The following FANCL variants were observed in gnomAD, a reference collection of about 807,000 sequenced individuals.
The protein encoded by FANCL is FA complementation group L.
In FANCL, 69 loss-of-function variants were observed where a neutral mutation model predicts 59.4. The observed-to-expected ratio is 1.16, with a 90% confidence interval of 0.96 to 1.42. The LOEUF (loss-of-function observed/expected upper bound fraction) is 1.42, where lower values mean the gene tolerates loss of function less well. Among genes scored for constraint, FANCL ranks in the 40% most tolerant of loss-of-function variants. The pLI is 0.00. For missense variants in FANCL, 519 were observed against 447.2 expected (o/e 1.16, Z -1.45); for synonymous variants, 180 against 147.1 (o/e 1.22, Z -1.62).
At chr2:58,183,736 ATC>A (rs1311372944) in intron 7 of FANCL, among the ~76,000 whole-genome samples, 2 of 151,964 alleles carry the variant, frequency 1.3e-5, no homozygotes, top group Admixed American at 1.3e-4. Context: ...AAAATAAGTG[ATC>A]TGTTACCCAT....
At chr2:58,169,701 G>C (rs1459352262) in intron 7 of FANCL, among the ~76,000 whole-genome samples, 1 of 151,804 alleles carries the variant, frequency 6.6e-6, no homozygotes, top group Non-Finnish European at 1.5e-5. Flanking sequence ...GGTTATAGAA[G>C]AACATAAATG....
chr2:58,220,930 T>C lies in FANCL; in HGVS notation c.374+1012A>G, dbSNP rs992416857. The stretch of plus-strand genomic sequence containing the variant: ...GATAACGGTTAAGAAGTGATAAGAA[T>C]TGCCGGGCGTGGTGGCTCACGCCTG... On this transcript the variant is annotated intron_variant, in intron 5 of 13. Transcript: ENST00000233741. Among the ~76,000 whole-genome samples, 2 of 152,090 alleles carry C rather than the reference T, an allele frequency of 1.3e-5. 1 individual carries two copies. Among genetic ancestry groups the C allele is most frequent in the Non-Finnish European group, 2.9e-5 (2 of 67,974 alleles).
intron 5 of FANCL, among the ~76,000 whole-genome samples, chr2:58,217,377 A>C (rs976828293): frequency 1.3e-5 from 2 of 150,640 alleles, no homozygotes; most frequent in Non-Finnish European, 1.5e-5. Flanking sequence ...CTAGGAGAGA[A>C]TCTATTCCTT....
chr2:58,201,093 C>T, intron 6 of FANCL, among the ~76,000 whole-genome samples: 2 of 149,668 alleles, frequency 1.3e-5, no homozygotes, highest in East Asian at 3.9e-4. Context: ...TTCAGAATAG[C>T]TTCTGAATTA....
intron 7 of FANCL, among the ~76,000 whole-genome samples, chr2:58,198,127 T>C (rs570165752): frequency 1.3e-5 from 2 of 151,406 alleles, no homozygotes; most frequent in East Asian, 1.9e-4. Context: ...AGAAAGAAAA[T>C]GGACATTAAC....
At chr2:58,192,219 A>G (rs576480131) in intron 7 of FANCL, among the ~76,000 whole-genome samples, 4 of 152,082 alleles carry the variant, frequency 2.6e-5, no homozygotes, top group Admixed American at 2.6e-4. Flanking sequence ...ATGTGCTCAA[A>G]ATGCACAGAT....
intron 7 of FANCL, among the ~76,000 whole-genome samples, chr2:58,189,416 C>G (rs537054891): frequency 3.3e-5 from 5 of 152,032 alleles, no homozygotes; most frequent in Non-Finnish European, 7.4e-5. Context: ...ACAATCCTCA[C>G]AGTAAGGACA....
At chr2:58,215,803 A>G (rs1691660004) in intron 5 of FANCL, among the ~76,000 whole-genome samples, 1 of 151,996 alleles carries the variant, frequency 6.6e-6, no homozygotes, top group South Asian at 2.1e-4. Context: ...GTAGGCCCAG[A>G]ACCTGGCCTA....
At chr2:58,224,361 C>T (rs1424540542) in intron 4 of FANCL, among the ~76,000 whole-genome samples, 1 of 151,802 alleles carries the variant, frequency 6.6e-6, no homozygotes, top group South Asian at 2.1e-4. Context: ...CACTTGTTCA[C>T]TTTACCTTTT....
At chr2:58,227,240 G>C (rs1270363624) in intron 3 of FANCL, among the ~76,000 whole-genome samples, 1 of 152,186 alleles carries the variant, frequency 6.6e-6, no homozygotes, top group Non-Finnish European at 1.5e-5. Context: ...CAGTGGGTGT[G>C]TGTTACAAGG....
At chr2:58,180,609 T>C (rs758546412) in intron 7 of FANCL, among the ~76,000 whole-genome samples, 1 of 152,074 alleles carries the variant, frequency 6.6e-6, no homozygotes, top group Non-Finnish European at 1.5e-5. Flanking sequence ...CTAATGTAGA[T>C]GTCGGGTTGA....
At chr2:58,174,202 C>A (rs1273005983) in intron 7 of FANCL, among the ~76,000 whole-genome samples, 3 of 152,126 alleles carry the variant, frequency 2.0e-5, no homozygotes, top group Non-Finnish European at 2.9e-5. Context: ...GAATTTAACA[C>A]CCCACTGTCA....
In FANCL at chr2:58,217,215, T is replaced by TAC. The variant is rs368257506; in HGVS notation, c.374+4725_374+4726dup. Among the ~76,000 whole-genome samples, 47 of 20,852 alleles carry TAC rather than the reference T, an allele frequency of 2.3e-3. 1 individual carries two copies. Among genetic ancestry groups the TAC allele is most frequent in the East Asian group, 3.2e-3 (2 of 626 alleles). 13.7% of individuals were successfully genotyped at this position (20,852 alleles called of 152,430 possible). ...ATATATATATATATATATATATATA[T>TAC]ACACACACACACACACACACACACA... On this transcript the variant is annotated intron_variant, in intron 5 of 13. Coordinates refer to ENST00000233741, the MANE Select transcript of FANCL (RefSeq NM_018062.4).
At chr2:58,163,695 G>A (rs994109329) in intron 8 of FANCL, among the ~76,000 whole-genome samples, 178 bp from the exon 9 acceptor site, 1 of 151,908 alleles carries the variant, frequency 6.6e-6, no homozygotes, top group Non-Finnish European at 1.5e-5. Flanking sequence ...AAGTAATTTT[G>A]ATATGATTAT....
At chr2:58,173,595 T>G (rs187735136) in intron 7 of FANCL, among the ~76,000 whole-genome samples, 2 of 152,104 alleles carry the variant, frequency 1.3e-5, no homozygotes, top group Admixed American at 6.5e-5. Context: ...CTGAGAGATT[T>G]TGTCACCACC....
intron 5 of FANCL, among the ~76,000 whole-genome samples, chr2:58,206,765 G>A (rs763218703): frequency 6.6e-6 from 1 of 152,110 alleles, no homozygotes; most frequent in South Asian, 2.1e-4. Context: ...TAAACTTTAA[G>A]ACGCAATTTA....
At chr2:58,162,636 C>T (rs1008639321) in intron 11 of FANCL, among the ~76,000 whole-genome samples, 3 of 151,910 alleles carry the variant, frequency 2.0e-5, no homozygotes, top group Admixed American at 2.0e-4. Context: ...ACTTTAATGT[C>T]TGTGGATTTT....
chr2:58,175,583 A>G (rs1687211133), intron 7 of FANCL, among the ~76,000 whole-genome samples: 1 of 152,162 alleles, frequency 6.6e-6, no homozygotes, highest in Non-Finnish European at 1.5e-5. Context: ...AAAATTCAAC[A>G]ACGCTTCATG....
At chr2:58,165,156 C>G (rs544262868) in intron 8 of FANCL, among the ~76,000 whole-genome samples, 1 of 152,028 alleles carries the variant, frequency 6.6e-6, no homozygotes, top group Admixed American at 6.6e-5. Flanking sequence ...ATTTTATAGT[C>G]GAGAACATGA....
Sources: allele counts gnomAD v4.1 joint callset (sites outside exome capture counted in the v4.1 genomes callset), GRCh38; gene constraint gnomAD v4.1.1; transcripts MANE v1.5; gene names NCBI Gene and HGNC (gene_info 2026-07-23, HGNC 2026-07-21).